The following MARCHF3 variants were observed in gnomAD, a reference collection of about 807,000 sequenced individuals.
The protein encoded by MARCHF3 is membrane associated ring-CH-type finger 3.
MARCHF3 carries 13 observed loss-of-function variants against 24.2 expected under a neutral mutation model. The observed-to-expected ratio is 0.54, with a 90% CI of 0.35 to 0.85. MARCHF3 has a LOEUF of 0.85. Among genes scored for constraint, MARCHF3 ranks in the 40% least tolerant of loss-of-function variants. The pLI, the probability that MARCHF3 is intolerant of heterozygous loss-of-function variation, is 0.01. For missense variants in MARCHF3, 276 were observed against 325.0 expected, an observed-to-expected ratio of 0.85 and a Z score of 1.16; for synonymous variants, 144 against 137.3, an observed-to-expected ratio of 1.05 and a Z score of -0.34.
chr5:126,875,631 T>C (rs1424734261), intron 4 of MARCHF3, among the ~76,000 whole-genome samples: 3 of 152,188 alleles, frequency 2.0e-5, no homozygotes, highest in Non-Finnish European at 4.4e-5. Flanking sequence ...CTATATTCAG[T>C]AACCTATTGC....
chr5:127,001,255 T>C (rs2126850623), intron 1 of MARCHF3, among the ~76,000 whole-genome samples: 1 of 151,942 alleles, frequency 6.6e-6, no homozygotes, highest in Admixed American at 6.6e-5. Flanking sequence ...AAAAAGGTTC[T>C]ACTGGTAGAA....
chr5:126,873,588 T>A (rs1318289388), intron 4 of MARCHF3, among the ~76,000 whole-genome samples: 1 of 152,048 alleles, frequency 6.6e-6, no homozygotes, highest in Non-Finnish European at 1.5e-5. Flanking sequence ...GACCCCCAGG[T>A]GATCCGCATG....
At chr5:126,953,820 C>G (rs979033204) in intron 1 of MARCHF3, among the ~76,000 whole-genome samples, 3 of 152,188 alleles carry the variant, frequency 2.0e-5, no homozygotes, top group Non-Finnish European at 4.4e-5. Flanking sequence ...TTCTGACGCT[C>G]TCATTAATCA....
intron 3 of MARCHF3, among the ~76,000 whole-genome samples, chr5:126,900,291 T>G (rs986110745): frequency 6.6e-5 from 10 of 152,124 alleles, no homozygotes; most frequent in African/African-American, 2.4e-4. Context: ...GGTGCAATGG[T>G]CTGAATGTTT....
intron 3 of MARCHF3, among the ~76,000 whole-genome samples, chr5:126,892,715 A>G (rs1205991940): frequency 6.7e-6 from 1 of 149,778 alleles, no homozygotes; most frequent in Non-Finnish European, 1.5e-5. Flanking sequence ...GAATTTTTGC[A>G]TCAATGTTCA....
intron 1 of MARCHF3, among the ~76,000 whole-genome samples, chr5:126,954,615 C>T (rs959424434): frequency 6.6e-6 from 1 of 151,646 alleles, no homozygotes. Flanking sequence ...AAGTGATTCT[C>T]CCACTTCAGC....
At chr5:126,917,847 T>A in intron 2 of MARCHF3, 137 bp downstream of exon 2, 2 of 168,762 alleles carry the variant, frequency 1.2e-5, no homozygotes, top group East Asian at 2.2e-4. Context: ...TCGTGTAGTC[T>A]TTTTTTTTTT....
intron 1 of MARCHF3, among the ~76,000 whole-genome samples, chr5:127,005,230 G>A (rs1456087636): frequency 9.0e-5 from 13 of 144,452 alleles, no homozygotes; most frequent in Middle Eastern, 4.1e-3. Flanking sequence ...TCCATCACCC[G>A]GGTTCAAGCA....
At chr5:127,002,680 T>C (rs748264653) in intron 1 of MARCHF3, among the ~76,000 whole-genome samples, 13 of 152,226 alleles carry the variant, frequency 8.5e-5, no homozygotes, top group Non-Finnish European at 1.6e-4. Flanking sequence ...CAACAAGCCA[T>C]TTTCCAGAGC....
chr5:126,992,522 T>C (rs1751802328), intron 1 of MARCHF3, among the ~76,000 whole-genome samples: 1 of 152,144 alleles, frequency 6.6e-6, no homozygotes, highest in African/African-American at 2.4e-5. Context: ...AAAAACTCCG[T>C]TGAGTTTTGT....
At chr5:127,000,121 A>G (rs185319354) in intron 1 of MARCHF3, among the ~76,000 whole-genome samples, 1 of 151,684 alleles carries the variant, frequency 6.6e-6, no homozygotes, top group African/African-American at 2.4e-5. Flanking sequence ...GCAGATTGAA[A>G]GAGATCCTTC....
intron 2 of MARCHF3, among the ~76,000 whole-genome samples, chr5:126,915,689 T>A (rs1407038484): frequency 6.6e-6 from 1 of 152,170 alleles, no homozygotes; most frequent in African/African-American, 2.4e-5. Context: ...TCCTTTGAGC[T>A]TTCACAGGAT....
Position 127,021,942 on chromosome 5 carries a change from T to C in MARCHF3, c.-57+8408A>G, listed in dbSNP as rs541463685. On this transcript the variant is annotated intron_variant, in intron 1 of 4. Coordinates refer to ENST00000308660, the MANE Select transcript of MARCHF3 (RefSeq NM_178450.5). ...TCAACAAAAGACACACCAGTCCACA[T>C]GTCCTGTTTTTAAAGAAATCAGGGT... Among the ~76,000 whole-genome samples the C allele has an allele frequency of 3.3e-5, 5 of 152,326 alleles. No homozygotes were observed. The East Asian group carries it at 9.6e-4, about 29-fold the overall frequency.
intron 3 of MARCHF3, among the ~76,000 whole-genome samples, chr5:126,914,035 G>C (rs1168154655): frequency 7.0e-6 from 1 of 142,238 alleles, no homozygotes; most frequent in African/African-American, 2.7e-5. Flanking sequence ...CCAGGCTGGA[G>C]TGCAGTGGTG....
At chr5:126,975,629 T>C (rs73786251) in intron 1 of MARCHF3, among the ~76,000 whole-genome samples, 7,852 of 152,292 alleles carry the variant, frequency 0.052, 374 homozygotes, top group South Asian at 0.13. Context: ...CACTGCCATC[T>C]TGGAAGGATG....
At chr5:126,899,209 G>A (rs1447579530) in intron 3 of MARCHF3, 3 of 985,132 alleles carry the variant, frequency 3.0e-6, no homozygotes, top group African/African-American at 3.5e-5. Context: ...TGAGGAGGAC[G>A]GCAAAGCCTG....
chr5:126,891,167 C>T (rs1273923918), intron 3 of MARCHF3, among the ~76,000 whole-genome samples: 1 of 150,228 alleles, frequency 6.7e-6, no homozygotes, highest in Non-Finnish European at 1.5e-5. Context: ...TGTTTGAGTT[C>T]ATTGTAGATT....
At chr5:127,024,332 T>C (rs976979258) in intron 1 of MARCHF3, among the ~76,000 whole-genome samples, 15 of 152,194 alleles carry the variant, frequency 9.9e-5, no homozygotes, top group African/African-American at 3.1e-4. Context: ...AATGTTCACT[T>C]GTAATTCTTT....
chr5:126,894,349 A>G (rs868679118), intron 3 of MARCHF3, among the ~76,000 whole-genome samples: 2 of 149,412 alleles, frequency 1.3e-5, no homozygotes, highest in Non-Finnish European at 3.0e-5. Flanking sequence ...TTAGCTGGTT[A>G]TTTTGCTCGT....
Sources: allele counts gnomAD v4.1 joint callset (sites outside exome capture counted in the v4.1 genomes callset), GRCh38; gene constraint gnomAD v4.1.1; transcripts MANE v1.5; gene names NCBI Gene and HGNC (gene_info 2026-07-23, HGNC 2026-07-21).